The following CUX1 variants were observed in gnomAD, a reference collection of about 807,000 sequenced individuals.
The protein encoded by CUX1 is protein CASP.
Under a neutral mutation model 158.8 loss-of-function variants are expected in CUX1, and 31 were observed. The ratio of observed to expected loss-of-function variants is 0.20; its 90% CI spans 0.15 to 0.26. CUX1 has a LOEUF of 0.26. Among genes scored for constraint, CUX1 ranks in the 10% least tolerant of loss-of-function variants. CUX1 has a pLI of 1.00. For synonymous variants in CUX1, 879 were observed against 862.1 expected, an observed-to-expected ratio of 1.02 and a Z score of -0.34; for missense variants, 1,589 against 2,014.6, an observed-to-expected ratio of 0.79 and a Z score of 4.04.
At chr7:102,151,853 G>A (rs76748361) in intron 8 of CUX1, among the ~76,000 whole-genome samples, 3,279 of 149,020 alleles carry the variant, frequency 0.022, 108 homozygotes, top group African/African-American at 0.076. Flanking sequence ...GCCCCCGATC[G>A]CACTTACTCA....
chr7:102,018,002 G>A (rs1251031909), intron 2 of CUX1, among the ~76,000 whole-genome samples: 2 of 152,178 alleles, frequency 1.3e-5, no homozygotes, highest in East Asian at 3.9e-4. Flanking sequence ...TGTCACCCAG[G>A]CTGGAGTGCA....
rs542949012 is a variant in CUX1, at chr7:102,204,259, C to T, written c.2908-132C>T. Reference sequence around the variant, plus strand: ...CCTGCCCACAAGCTGTCACCGCCACCAGGCCGTGGTTCTGTGCTCAGAAGT... The same window carrying T: ...CCTGCCCACAAGCTGTCACCGCCACTAGGCCGTGGTTCTGTGCTCAGAAGT... On this transcript the variant is annotated intron_variant, in intron 18 of 23. Coordinates refer to ENST00000292535, the MANE Select transcript of CUX1 (RefSeq NM_181552.4). 7.5e-5 allele frequency: 87 copies of T among 1,159,014 alleles called. No homozygotes were observed. The African/African-American group carries it at 1.1e-3, about 15-fold the overall frequency. The allele number at this position is 1,159,014 out of a possible 1,614,324, so 71.8% of individuals were successfully genotyped here.
chr7:101,913,379 TC>T, intron 1 of CUX1: 1 of 1,265,638 alleles, frequency 7.9e-7, no homozygotes, highest in Non-Finnish European at 1.0e-6. Context: ...CCCCGTTGAG[TC>T]CCCGACTGCC....
intron 8 of CUX1, chr7:102,125,806 GC>G (rs1832570372): frequency 6.7e-6 from 1 of 149,636 alleles, no homozygotes; most frequent in Non-Finnish European, 1.5e-5. Context: ...AGCCAGTCCT[GC>G]TGTTTTTATT....
chr7:102,133,726 C>T (rs1468608216), intron 8 of CUX1, among the ~76,000 whole-genome samples: 9 of 152,134 alleles, frequency 5.9e-5, no homozygotes, highest in African/African-American at 2.2e-4. Flanking sequence ...CCACCCGCCT[C>T]CGCCTCCCAA....
intron 3 of CUX1, among the ~76,000 whole-genome samples, chr7:102,051,734 C>T (rs938691054): frequency 6.6e-6 from 1 of 151,960 alleles, no homozygotes; most frequent in African/African-American, 2.4e-5. Flanking sequence ...ATGCCCAAGA[C>T]TATCTTTACC....
In CUX1 at chr7:102,124,595, A is replaced by G. The variant is rs569711767; in HGVS notation, c.674+9322A>G. ...ATGAACCAGGCACAGAAAGACGAATACCACAAGATCTCACTCATGTAAAAC... is the reference window on the plus strand; with the variant it reads ...ATGAACCAGGCACAGAAAGACGAATGCCACAAGATCTCACTCATGTAAAAC... On this transcript the variant is annotated intron_variant, in intron 8 of 23. Coordinates refer to ENST00000292535, the MANE Select transcript of CUX1 (RefSeq NM_181552.4). 1.5e-4 allele frequency among the ~76,000 whole-genome samples: 23 copies of G among 152,312 alleles called. 1 individual carries two copies. In the South Asian group the frequency reaches 4.8e-3, roughly 32 times the overall value.
intron 1 of CUX1, among the ~76,000 whole-genome samples, chr7:101,898,575 A>G (rs1218661723): frequency 8.0e-6 from 1 of 124,244 alleles, no homozygotes; most frequent in Non-Finnish European, 1.7e-5. Flanking sequence ...GTTTCTTTCC[A>G]TTTCTGTGTC....
intron 3 of CUX1, among the ~76,000 whole-genome samples, chr7:102,055,246 T>G (rs1823999323): frequency 6.6e-6 from 1 of 152,186 alleles, no homozygotes; most frequent in South Asian, 2.1e-4. Flanking sequence ...GATCATTTAT[T>G]GCAAACATGT....
At chr7:101,852,725 G>A (rs115062153) in intron 1 of CUX1, among the ~76,000 whole-genome samples, 5 of 135,990 alleles carry the variant, frequency 3.7e-5, no homozygotes, top group African/African-American at 5.5e-5. Flanking sequence ...TGCCCATGCT[G>A]GAGTGCAATG....
chr7:101,841,753 T>G (rs895210558), intron 1 of CUX1, among the ~76,000 whole-genome samples: 1 of 151,998 alleles, frequency 6.6e-6, no homozygotes, highest in African/African-American at 2.4e-5. Context: ...AGAGACAGGG[T>G]TTCACCTTGT....
rs1046602355 is a variant in CUX1, at chr7:102,062,797, C to A, written c.190-7542C>A. On this transcript the variant is annotated intron_variant, in intron 3 of 23. Transcript: ENST00000292535. ...ATTATAGGCGTGAGCCACTGCACTA[C>A]ACATTTGTCTTTAAATGTAACACTT... Among the ~76,000 whole-genome samples, 5 of 151,288 alleles carry A rather than the reference C, an allele frequency of 3.3e-5. 1 individual carries two copies. The highest frequency in any genetic ancestry group is 1.3e-4 in the Admixed American group (2 of 15,178).
chr7:101,857,271 C>G (rs1316250362), intron 1 of CUX1, among the ~76,000 whole-genome samples: 1 of 152,240 alleles, frequency 6.6e-6, no homozygotes, highest in Non-Finnish European at 1.5e-5. Flanking sequence ...TGTCACAGGC[C>G]TAGCATTCAA....
intron 1 of CUX1, among the ~76,000 whole-genome samples, chr7:101,829,461 T>G (rs1793739926): frequency 6.6e-6 from 1 of 152,172 alleles, no homozygotes; most frequent in Admixed American, 6.5e-5. Context: ...TGGAGCTGCG[T>G]ACCTGCCATA....
intron 2 of CUX1, among the ~76,000 whole-genome samples, chr7:101,936,720 G>A (rs1434491238): frequency 2.6e-5 from 4 of 152,142 alleles, no homozygotes; most frequent in African/African-American, 9.7e-5. Context: ...CGCCAGCCCT[G>A]CCATCCCCAC....
chr7:102,256,741 C>G lies in CUX1; in HGVS notation c.*7699C>G, dbSNP rs1789931563. ...CCTCCTAGAGCCTCTGGTAAGACTT[C>G]TGGGTTCATGAAGTTTCGGCGAGCC... On this transcript the variant is annotated 3_prime_UTR_variant, in exon 24 of 24. Transcript: ENST00000292535. 1 of 985,332 alleles carries G rather than the reference C, an allele frequency of 1.0e-6. No individual in the cohort carries two copies. Among genetic ancestry groups the G allele is most frequent in the South Asian group, 4.7e-5 (1 of 21,294 alleles). 61.0% of individuals were successfully genotyped at this position (985,332 alleles called of 1,614,324 possible).
At chr7:101,969,701 T>C (rs559088563) in intron 2 of CUX1, among the ~76,000 whole-genome samples, 1 of 152,244 alleles carries the variant, frequency 6.6e-6, no homozygotes, top group African/African-American at 2.4e-5. Context: ...TTTGGCCAGA[T>C]CAAAGAAACC....
intron 2 of CUX1, among the ~76,000 whole-genome samples, chr7:101,959,238 AGTGTGTGTGTGTGTGTGT>A (rs55733311): frequency 0.013 from 1,905 of 145,812 alleles, 25 homozygotes; most frequent in South Asian, 0.037. Flanking sequence ...ATGTGTGTGC[AGTGTGTGTGTGTGTGTGT>A]GTGTGTGTGT....
In CUX1 at chr7:102,204,384, A is replaced by G. The variant is rs782296743; in HGVS notation, c.2908-7A>G. The stretch of plus-strand genomic sequence containing the variant: ...ACTGATGGCCTGTGTGTTCGGTGCC[A>G]CTCCAGGTGCTGGGCCTGTCCCAGG... On this transcript the variant is annotated splice_region_variant and splice_polypyrimidine_tract_variant and intron_variant, in intron 18 of 23. Coordinates refer to ENST00000292535, the MANE Select transcript of CUX1 (RefSeq NM_181552.4). 2.5e-6 allele frequency: 4 copies of G among 1,613,030 alleles called. No homozygotes were observed. The highest frequency in any genetic ancestry group is 2.5e-6 in the Non-Finnish European group (3 of 1,179,858).
Sources: allele counts gnomAD v4.1 joint callset (sites outside exome capture counted in the v4.1 genomes callset), GRCh38; gene constraint gnomAD v4.1.1; transcripts MANE v1.5; gene names NCBI Gene and HGNC (gene_info 2026-07-23, HGNC 2026-07-21).